Variants in LCORL observed in about 807,000 individuals in gnomAD.
LCORL encodes ligand dependent nuclear receptor corepressor like.
In LCORL, 41 loss-of-function variants were observed where a neutral mutation model predicts 141.8. The observed-to-expected ratio is 0.29, with a 90% CI of 0.23 to 0.38. LCORL has a LOEUF of 0.38. Ranked by LOEUF, LCORL falls within the 10% of genes least tolerant of loss-of-function variation. The pLI is 1.00. For missense variants in LCORL, 1,759 were observed against 2,035.0 expected (o/e 0.86, Z 2.61); for synonymous variants, 618 against 694.1 (o/e 0.89, Z 1.72).
intron 6 of LCORL, chr4:17,883,659 T>A (rs1727881132): frequency 2.1e-6 from 3 of 1,433,736 alleles, no homozygotes; most frequent in Admixed American, 5.9e-5. Context: ...CCTGTGCACA[T>A]ACACACACAC....
At chr4:17,857,010 C>T (rs1221585568) in intron 7 of LCORL, among the ~76,000 whole-genome samples, 2 of 152,136 alleles carry the variant, frequency 1.3e-5, no homozygotes, top group African/African-American at 4.8e-5. Flanking sequence ...ATTTTATCTG[C>T]AGTACTCGGC....
At chr4:17,887,751 T>C (rs770622981) in intron 5 of LCORL, among the ~76,000 whole-genome samples, 2 of 152,126 alleles carry the variant, frequency 1.3e-5, no homozygotes, top group African/African-American at 2.4e-5. Flanking sequence ...TTTAGGTTTT[T>C]AAAAGATCAA....
exon 7 of LCORL, chr4:17,877,569 T>A: frequency 8.1e-7 from 1 of 1,230,626 alleles, no homozygotes. Flanking sequence ...TGGAGGCTGG[T>A]TAATGTTTGC....
At chr4:17,982,185 C>T (rs1718127424) in intron 1 of LCORL, among the ~76,000 whole-genome samples, 2 of 149,684 alleles carry the variant, frequency 1.3e-5, no homozygotes, top group African/African-American at 4.9e-5. Flanking sequence ...CAATGATGGG[C>T]ATTTAGGTTG....
intron 5 of LCORL, among the ~76,000 whole-genome samples, chr4:17,898,937 A>G (rs1022677330): frequency 9.8e-5 from 15 of 152,310 alleles, no homozygotes; most frequent in African/African-American, 3.1e-4. Flanking sequence ...TTTCCACAGT[A>G]ATGCATGAAA....
intron 7 of LCORL, among the ~76,000 whole-genome samples, chr4:17,861,682 C>T (rs563257883): frequency 4.6e-5 from 7 of 152,240 alleles, no homozygotes; most frequent in African/African-American, 7.2e-5. Flanking sequence ...GCAAATTTTC[C>T]GAACTTTTAT....
chr4:17,844,412 G>T (rs1424298788), exon 8 of LCORL: 1 of 152,292 alleles, frequency 6.6e-6, no homozygotes, highest in African/African-American at 2.4e-5. Context: ...TCATCTACTA[G>T]AGGCCATTTA....
At chr4:18,003,422 G>A (rs1032725157) in intron 1 of LCORL, among the ~76,000 whole-genome samples, 6 of 142,110 alleles carry the variant, frequency 4.2e-5, no homozygotes, top group African/African-American at 1.7e-4. Context: ...ACTTTCAGGT[G>A]TTTGACTTGT....
chr4:17,905,148 G>T (rs1043850758), intron 5 of LCORL, among the ~76,000 whole-genome samples: 3 of 152,010 alleles, frequency 2.0e-5, no homozygotes, highest in East Asian at 3.9e-4. Context: ...GGCTGAGTAA[G>T]GACCTCTCAT....
intron 1 of LCORL, among the ~76,000 whole-genome samples, chr4:17,997,385 A>G (rs1222053492): frequency 2.6e-5 from 4 of 152,208 alleles, no homozygotes; most frequent in Non-Finnish European, 2.9e-5. Context: ...GACAACAGGA[A>G]CAATATTACT....
At chr4:17,875,055 T>C in exon 7 of LCORL, 1 of 1,233,696 alleles carries the variant, frequency 8.1e-7, no homozygotes, top group Non-Finnish European at 1.0e-6. Context: ...TTTAAATATA[T>C]CAGCTTCAGT....
At chr4:18,006,954 T>C (rs1722916258) in intron 1 of LCORL, among the ~76,000 whole-genome samples, 1 of 152,150 alleles carries the variant, frequency 6.6e-6, no homozygotes, top group Non-Finnish European at 1.5e-5. Flanking sequence ...TGATTCTCTG[T>C]TCTTTCTCCT....
chr4:17,849,343 TCAGA>T (rs1471482508), intron 7 of LCORL, among the ~76,000 whole-genome samples: 1 of 152,006 alleles, frequency 6.6e-6, no homozygotes, highest in Non-Finnish European at 1.5e-5. Context: ...AGAGGAACAA[TCAGA>T]CAGCAGCATT....
At chr4:18,018,220 A>G (rs1724915351) in intron 1 of LCORL, among the ~76,000 whole-genome samples, 1 of 152,152 alleles carries the variant, frequency 6.6e-6, no homozygotes, top group Non-Finnish European at 1.5e-5. Flanking sequence ...AATGCTAATT[A>G]TATTATACAT....
At chr4:17,876,209 A>G in exon 7 of LCORL, 1 of 1,231,064 alleles carries the variant, frequency 8.1e-7, no homozygotes, top group Non-Finnish European at 1.0e-6. Context: ...TATCTAAAAT[A>G]GATGACTTTT....
intron 7 of LCORL, among the ~76,000 whole-genome samples, chr4:17,857,870 A>G (rs961954040): frequency 6.6e-6 from 1 of 152,250 alleles, no homozygotes; most frequent in African/African-American, 2.4e-5. Context: ...TTTCTCAATA[A>G]GTTAACAGTG....
intron 7 of LCORL, among the ~76,000 whole-genome samples, chr4:17,872,193 T>C (rs1726424294): frequency 6.6e-6 from 1 of 151,990 alleles, no homozygotes; most frequent in Non-Finnish European, 1.5e-5. Flanking sequence ...GTTAAGCAAG[T>C]AATCAATAAG....
At chr4:18,014,804 G>C (rs1333516458) in intron 1 of LCORL, among the ~76,000 whole-genome samples, 1 of 152,076 alleles carries the variant, frequency 6.6e-6, no homozygotes, top group Non-Finnish European at 1.5e-5. Context: ...GGCTGGTCTG[G>C]GCCCCCCATT....
At chr4:17,883,949 T>C in intron 6 of LCORL, 1 of 1,550,828 alleles carries the variant, frequency 6.4e-7, no homozygotes, top group Non-Finnish European at 8.7e-7. Context: ...CATTATTTCA[T>C]GATCATATTG....
Sources: gnomAD v4.1 joint callset for allele counts (sites outside exome capture counted in the v4.1 genomes callset) on GRCh38, gnomAD v4.1.1 for gene constraint, MANE v1.5 for transcripts, NCBI Gene and HGNC (gene_info 2026-07-23, HGNC 2026-07-21) for gene names.